The following JAM3 variants were observed in gnomAD, a reference collection of about 807,000 sequenced individuals.
The protein encoded by JAM3 is junctional adhesion molecule 3.
JAM3 carries 31 observed loss-of-function variants against 39.4 expected under a neutral mutation model. The observed-to-expected ratio is 0.79, with a 90% CI of 0.59 to 1.06. The LOEUF is 1.06. Among genes scored for constraint, JAM3 ranks in the 50% least tolerant of loss-of-function variants. The pLI is 0.00. For synonymous variants in JAM3, 182 were observed against 148.7 expected (o/e 1.22, Z -1.63); for missense variants, 455 against 391.4 (o/e 1.16, Z -1.37).
chr11:134,124,338 GA>G, intron 1 of JAM3: 2 of 748,652 alleles, frequency 2.7e-6, no homozygotes, highest in South Asian at 3.0e-5. Context: ...TATGGCAAAT[GA>G]AAAATGTGAG....
At chr11:134,124,215 C>G (rs999340244) in intron 1 of JAM3, 8 of 1,392,334 alleles carry the variant, frequency 5.7e-6, no homozygotes, top group African/African-American at 4.3e-5. Context: ...AGTCATCACT[C>G]CATACTTCTT....
intron 1 of JAM3, among the ~76,000 whole-genome samples, chr11:134,124,990 G>T (rs550026127): frequency 5.9e-5 from 9 of 151,706 alleles, no homozygotes; most frequent in African/African-American, 2.0e-4. Flanking sequence ...CAGCGGCGAC[G>T]ACACCCCCCA....
chr11:134,140,490 T>G (rs987223818), intron 2 of JAM3, among the ~76,000 whole-genome samples, 167 bp from the exon 3 acceptor site: 2 of 152,128 alleles, frequency 1.3e-5, no homozygotes, highest in African/African-American at 4.8e-5. Flanking sequence ...ATCTTTATTG[T>G]TTTTCTGGCA....
chr11:134,080,451 C>T (rs1297554231), intron 1 of JAM3, among the ~76,000 whole-genome samples: 4 of 152,078 alleles, frequency 2.6e-5, no homozygotes, highest in African/African-American at 9.7e-5. Context: ...GGGAGGGACC[C>T]AGTGGGAGAT....
In JAM3 at chr11:134,077,130, C is replaced by T. The variant is rs116603728; in HGVS notation, c.76+7971C>T. On this transcript the variant is annotated intron_variant, in intron 1 of 8. Transcript: ENST00000299106. The stretch of plus-strand genomic sequence containing the variant: ...GATTACATGCATGAGGCACTGCACC[C>T]GGCCTGTTTTTTGATTATTTAATAG... Among the ~76,000 whole-genome samples the T allele has an allele frequency of 9.7e-3, 1,473 of 151,936 alleles. 28 individuals are homozygous for T. Among genetic ancestry groups the T allele is most frequent in the African/African-American group, 0.034 (1,392 of 41,450 alleles).
chr11:134,145,892 C>T (rs1046656742), intron 5 of JAM3, 54 bp from the exon 6 acceptor site: 4 of 1,241,720 alleles, frequency 3.2e-6, no homozygotes. Context: ...GCTGTGCTCT[C>T]AGAAATCGGC....
chr11:134,077,723 G>A (rs578235018), intron 1 of JAM3, among the ~76,000 whole-genome samples: 14 of 139,310 alleles, frequency 1.0e-4, no homozygotes, highest in African/African-American at 8.1e-5. Flanking sequence ...TGGAAATCTC[G>A]GCTCGGAAAT....
intron 1 of JAM3, among the ~76,000 whole-genome samples, chr11:134,131,897 A>T (rs185575220): frequency 1.2e-3 from 179 of 152,334 alleles, no homozygotes; most frequent in Non-Finnish European, 7.8e-4. Context: ...AAGTTTGAGG[A>T]GCAAAAAGAA....
intron 1 of JAM3, among the ~76,000 whole-genome samples, chr11:134,086,112 C>T (rs1453875267): frequency 6.6e-6 from 1 of 152,180 alleles, no homozygotes; most frequent in Non-Finnish European, 1.5e-5. Context: ...GTAATTCCCA[C>T]TTTACAGAAT....
intron 1 of JAM3, among the ~76,000 whole-genome samples, chr11:134,125,591 A>G (rs1022143574): frequency 2.6e-5 from 4 of 152,310 alleles, no homozygotes; most frequent in East Asian, 3.9e-4. Flanking sequence ...CCTCGCTAGC[A>G]TCCGATCCCC....
chr11:134,079,857 A>G (rs1941634805), intron 1 of JAM3, among the ~76,000 whole-genome samples: 1 of 152,270 alleles, frequency 6.6e-6, no homozygotes, highest in African/African-American at 2.4e-5. Context: ...TGTAGTCAAC[A>G]GAAATATCTT....
chr11:134,095,054 C>T (rs1167678990), intron 1 of JAM3, among the ~76,000 whole-genome samples: 2 of 152,148 alleles, frequency 1.3e-5, no homozygotes, highest in Admixed American at 6.5e-5. Flanking sequence ...GGGTTCTTTT[C>T]TTCATGTGCT....
intron 1 of JAM3, among the ~76,000 whole-genome samples, chr11:134,114,828 G>T (rs138450911): frequency 2.0e-5 from 3 of 152,098 alleles, no homozygotes; most frequent in African/African-American, 7.2e-5. Context: ...TGCTGTCTTT[G>T]GGTTAGGTGT....
intron 1 of JAM3, among the ~76,000 whole-genome samples, chr11:134,105,971 C>T (rs1942177031): frequency 6.6e-6 from 1 of 152,312 alleles, no homozygotes; most frequent in East Asian, 1.9e-4. Context: ...CTACCAATGA[C>T]TTTCTTCACA....
At chr11:134,104,094 C>A (rs902639664) in intron 1 of JAM3, among the ~76,000 whole-genome samples, 1 of 152,162 alleles carries the variant, frequency 6.6e-6, no homozygotes, top group Non-Finnish European at 1.5e-5. Context: ...CCAAAATTGA[C>A]CACATACTTG....
At chr11:134,139,707 TAA>T in intron 1 of JAM3, 142 bp from the exon 2 acceptor site, 2 of 707,848 alleles carry the variant, frequency 2.8e-6, no homozygotes, top group Non-Finnish European at 2.6e-6. Flanking sequence ...TTGGCTTACC[TAA>T]GAGACTTTAT....
intron 1 of JAM3, among the ~76,000 whole-genome samples, chr11:134,104,589 C>T (rs1464682797): frequency 6.6e-6 from 1 of 151,834 alleles, no homozygotes; most frequent in Non-Finnish European, 1.5e-5. Flanking sequence ...TTGAAAAGAT[C>T]AACAAAATTG....
At chr11:134,145,431 A>AATTTGTTTC (rs1046512760) in intron 5 of JAM3, 6 of 319,690 alleles carry the variant, frequency 1.9e-5, no homozygotes, top group African/African-American at 1.3e-4. Flanking sequence ...AGGTGTTTGG[A>AATTTGTTTC]ATTTGTTTCA....
At chr11:134,120,985 A>T (rs929764114) in intron 1 of JAM3, among the ~76,000 whole-genome samples, 3 of 152,216 alleles carry the variant, frequency 2.0e-5, no homozygotes, top group African/African-American at 7.2e-5. Flanking sequence ...CATGCTCAAC[A>T]ATAGAGCTGT....
Sources: gnomAD v4.1 joint callset for allele counts (sites outside exome capture counted in the v4.1 genomes callset) on GRCh38, gnomAD v4.1.1 for gene constraint, MANE v1.5 for transcripts, NCBI Gene and HGNC (gene_info 2026-07-23, HGNC 2026-07-21) for gene names.